DHX32: variants seen among roughly 807,000 people sequenced by gnomAD.
DHX32 encodes DEAH-box helicase 32 (putative).
A neutral mutation model predicts 70.0 loss-of-function variants in DHX32; 51 were observed. That is an observed-to-expected ratio of 0.73 (90% CI 0.58 to 0.92). The LOEUF (loss-of-function observed/expected upper bound fraction) is 0.92. Among genes scored for constraint, DHX32 ranks in the 40% least tolerant of loss-of-function variants. DHX32 has a pLI of 0.00. For synonymous variants in DHX32, 310 were observed against 315.3 expected (o/e 0.98, Z 0.18); for missense variants, 762 against 891.8 (o/e 0.85, Z 1.85).
At chr10:125,857,956 G>A (rs1237731441) in intron 3 of DHX32, among the ~76,000 whole-genome samples, 1 of 148,930 alleles carries the variant, frequency 6.7e-6, no homozygotes, top group Non-Finnish European at 1.5e-5. Context: ...CTGGAGTGCA[G>A]TGGTGCAATC....
chr10:125,840,391 C>T (rs1428746556), intron 8 of DHX32, among the ~76,000 whole-genome samples: 1 of 152,264 alleles, frequency 6.6e-6, no homozygotes, highest in Non-Finnish European at 1.5e-5. Flanking sequence ...CCCCTCAGCA[C>T]CCCAGCCTAC....
chr10:125,880,909 C>T lies in DHX32; in HGVS notation c.-85G>A. On this transcript the variant is annotated 5_prime_UTR_variant, in exon 1 of 11. Coordinates refer to ENST00000284690, the MANE Select transcript of DHX32 (RefSeq NM_018180.3). ...ACCCATTGCAAACAGGGCTTAAAAG[C>T]CTATTTATACAAACCCGTATGTTCC... The T allele has an allele frequency of 6.8e-7, 1 of 1,467,290 alleles. No homozygotes were observed. The allele number at this position is 1,467,290 out of a possible 1,614,324, so 90.9% of individuals were successfully genotyped here.
chr10:125,858,858 G>T (rs1160840598), intron 3 of DHX32, among the ~76,000 whole-genome samples: 1 of 151,936 alleles, frequency 6.6e-6, no homozygotes, highest in Non-Finnish European at 1.5e-5. Context: ...CAACAGAGTA[G>T]TGGGGAAAGA....
rs1267197063 is a variant in DHX32, at chr10:125,852,589, C to G, written c.1146G>C (p.Gln382His). Residue 382 changes from glutamine to histidine, a missense_variant, in exon 5 of 11, where the codon CAG (glutamine) becomes CAC (histidine). Physicochemically the swap from Gln to His is conservative, Grantham distance 24. Around this residue, in one of 3 missense-constraint regions of DHX32, gnomAD observed 394 missense variants for 473.1 expected, o/e 0.83. Coordinates refer to ENST00000284690, the MANE Select transcript of DHX32 (RefSeq NM_018180.3). ...TCTGCTTGCGTATCTCTGCCTGGCT[C>G]TGGCTGATGGGCTGCATGACGAGCG... ...ANSLVMQPIS[Q>H]SQAEIRKQIL... The G allele has an allele frequency of 6.2e-7, 1 of 1,613,848 alleles. No homozygotes were observed. Among genetic ancestry groups the G allele is most frequent in the Non-Finnish European group, 8.5e-7 (1 of 1,179,954 alleles).
chr10:125,839,713 A>C (rs186300276), intron 8 of DHX32, among the ~76,000 whole-genome samples: 5 of 152,212 alleles, frequency 3.3e-5, no homozygotes, highest in Non-Finnish European at 4.4e-5. Context: ...AAGCTCATCT[A>C]TCTACCCTAG....
At chr10:125,852,081 G>A (rs922430985) in intron 6 of DHX32, among the ~76,000 whole-genome samples, 8 of 152,040 alleles carry the variant, frequency 5.3e-5, no homozygotes, top group African/African-American at 1.5e-4. Flanking sequence ...CACATTTCTC[G>A]TGTCAGAACA....
intron 1 of DHX32, among the ~76,000 whole-genome samples, chr10:125,876,657 G>A (rs1944285432): frequency 6.6e-6 from 1 of 152,122 alleles, no homozygotes. Flanking sequence ...CATCAGACAT[G>A]TTCAAACTGA....
In DHX32 at chr10:125,859,643, C is replaced by T; in HGVS notation, c.809G>A (p.Gly270Asp). 5 of 1,607,424 alleles carry T rather than the reference C, an allele frequency of 3.1e-6. No individual in the cohort carries two copies. The highest frequency in any genetic ancestry group is 2.2e-5 in the South Asian group (2 of 89,570). ...AAAGACTACAATGTCACCTTTCTCA[C>T]CCGAGTGGTGAATTTCAAAGATAAG... ...LRLIFEIHHS[G>D]EKGDIVVFLA... Residue 270 changes from glycine to aspartate, a missense_variant, in exon 3 of 11, where the codon GGT (glycine) becomes GAT (aspartate). Gly to Asp is a moderately conservative substitution (Grantham distance 94, BLOSUM62 -1). Around this residue, in one of 3 missense-constraint regions of DHX32, gnomAD observed 394 missense variants for 473.1 expected, o/e 0.83. Coordinates refer to ENST00000284690, the MANE Select transcript of DHX32 (RefSeq NM_018180.3).
At chr10:125,879,950 T>A (rs1944307520) in intron 1 of DHX32, among the ~76,000 whole-genome samples, 1 of 152,224 alleles carries the variant, frequency 6.6e-6, no homozygotes, top group South Asian at 2.1e-4. Context: ...GCTCCAACTC[T>A]TTAATATTTT....
intron 7 of DHX32, chr10:125,841,390 C>G (rs1339391476): frequency 1.9e-6 from 3 of 1,606,918 alleles, no homozygotes; most frequent in Non-Finnish European, 2.5e-6. Context: ...ATGAATGAAG[C>G]CAATAGGAAA....
intron 2 of DHX32, among the ~76,000 whole-genome samples, chr10:125,860,702 T>C (rs1022756181): frequency 4.6e-5 from 7 of 151,830 alleles, no homozygotes; most frequent in African/African-American, 1.7e-4. Flanking sequence ...AATAACTTTC[T>C]GACACTATTT....
intron 8 of DHX32, among the ~76,000 whole-genome samples, chr10:125,840,518 C>A (rs1458201779): frequency 1.3e-5 from 2 of 152,234 alleles, no homozygotes; most frequent in African/African-American, 2.4e-5. Context: ...GGTGGCTGTT[C>A]TTGTCTTCCT....
chr10:125,892,545 C>T (rs61871889), intron 1 of DHX32, among the ~76,000 whole-genome samples: 1 of 124,374 alleles, frequency 8.0e-6, no homozygotes, highest in African/African-American at 2.9e-5. Context: ...AGTTCAGCCA[C>T]AATAAACCAC....
chr10:125,841,708 T>G, intron 7 of DHX32, 35 bp downstream of exon 7: 2 of 1,592,858 alleles, frequency 1.3e-6, no homozygotes, highest in Non-Finnish European at 1.7e-6. Context: ...AGTGCAGATT[T>G]GCAAAAAAAG....
chr10:125,895,740 C>A (rs1471461025), intron 1 of DHX32, among the ~76,000 whole-genome samples: 10 of 152,206 alleles, frequency 6.6e-5, no homozygotes, highest in Admixed American at 5.9e-4. Context: ...AATCAACACA[C>A]AAAAAACGAA....
chr10:125,854,210 A>T lies in DHX32; in HGVS notation c.850-7T>A, dbSNP rs776876693. ...CACAGACTTTCTCAATATCCTAAAG[A>T]AAAAAAAACCCATGAAAATAAAATA... is the stretch of plus-strand genomic sequence containing the variant. On this transcript the variant is annotated splice_polypyrimidine_tract_variant and splice_region_variant and intron_variant, in intron 3 of 10. Transcript: ENST00000284690. 9 of 1,565,442 alleles carry T rather than the reference A, an allele frequency of 5.7e-6. No individual in the cohort carries two copies. Among genetic ancestry groups the T allele is most frequent in the Non-Finnish European group, 7.7e-6 (9 of 1,163,562 alleles).
rs558636461 is a variant in DHX32, at chr10:125,866,586, G to A, written c.476+404C>T. On this transcript the variant is annotated intron_variant, in intron 2 of 10. Transcript: ENST00000284690. This position sits in a 1 kb window ranked among gnomAD's most constrained non-coding sequence, Gnocchi z 4.8. The stretch of plus-strand genomic sequence containing the variant: ...TGACTAGGAGGAACTAGCCGGGCCC[G>A]GACATGCTGAGCACAGGGAGGGGCA... 6.6e-5 allele frequency among the ~76,000 whole-genome samples: 10 copies of A among 152,312 alleles called. No individual in the cohort carries two copies. Among genetic ancestry groups the A allele is most frequent in the African/African-American group, 1.4e-4 (6 of 41,564 alleles).
Position 125,877,998 on chromosome 10 carries a change from T to C in DHX32, c.282+2545A>G, listed in dbSNP as rs1309791849. Among the ~76,000 whole-genome samples the C allele has an allele frequency of 3.3e-5, 5 of 152,234 alleles. No individual in the cohort carries two copies. The East Asian group carries it at 9.6e-4, about 29-fold the overall frequency. Reference sequence around the variant, plus strand: ...TTCTAATTCTTACATCGCGAGAATCTAGAAATGAATTTCATGATAAAAATA... The same window carrying C: ...TTCTAATTCTTACATCGCGAGAATCCAGAAATGAATTTCATGATAAAAATA... On this transcript the variant is annotated intron_variant, in intron 1 of 10. Transcript: ENST00000284690.
At chr10:125,854,295 CTACG>C (rs1944127513) in intron 3 of DHX32, 92 bp from the exon 4 acceptor site, 1 of 1,306,464 alleles carries the variant, frequency 7.7e-7, no homozygotes, top group Non-Finnish European at 1.0e-6. Flanking sequence ...TTAGGCAATA[CTACG>C]TAACAGATAC....
Sources: gnomAD v4.1 joint callset for allele counts (sites outside exome capture counted in the v4.1 genomes callset) on GRCh38, gnomAD v4.1.1 for gene constraint, gnomAD v4.1.1 regional missense constraint, Gnocchi (gnomAD v3.1) non-coding constraint, MANE v1.5 for transcripts, NCBI Gene and HGNC (gene_info 2026-07-23, HGNC 2026-07-21) for gene names.